Variants in NRF1 observed in about 807,000 individuals in gnomAD.
The protein encoded by NRF1 is nuclear respiratory factor 1.
Under a neutral mutation model 58.5 loss-of-function variants are expected in NRF1, and 5 were observed. That is an observed-to-expected ratio of 0.09 (90% confidence interval 0.04 to 0.18). The LOEUF (loss-of-function observed/expected upper bound fraction) is 0.18, where lower values mean the gene tolerates loss of function less well. Ranked by LOEUF, NRF1 falls within the 10% of genes least tolerant of loss-of-function variation. The probability of loss-of-function intolerance (pLI) is 1.00; values close to 1 mark genes in which losing one functional copy is unlikely to be tolerated. For synonymous variants in NRF1, 224 were observed against 246.7 expected, an observed-to-expected ratio of 0.91 and a Z score of 0.86; for missense variants, 288 against 657.7, an observed-to-expected ratio of 0.44 and a Z score of 6.15.
chr7:129,751,923 C>CAT (rs943036149), intron 10 of NRF1, among the ~76,000 whole-genome samples: 1 of 152,166 alleles, frequency 6.6e-6, no homozygotes, highest in Non-Finnish European at 1.5e-5. Context: ...ACAATCTTCA[C>CAT]ATATATATAC....
chr7:129,689,130 C>G (rs1287225514), intron 4 of NRF1, among the ~76,000 whole-genome samples: 2 of 152,124 alleles, frequency 1.3e-5, no homozygotes, highest in Non-Finnish European at 2.9e-5. Flanking sequence ...AATGAGTCTA[C>G]CAGTTTGTGC....
intron 2 of NRF1, among the ~76,000 whole-genome samples, chr7:129,659,521 C>T (rs531906954): frequency 3.9e-5 from 6 of 152,018 alleles, no homozygotes; most frequent in African/African-American, 1.4e-4. Flanking sequence ...TCTATTTTTG[C>T]TTGTCTGTGA....
intron 2 of NRF1, among the ~76,000 whole-genome samples, chr7:129,662,206 G>C (rs563428568): frequency 1.1e-4 from 17 of 152,196 alleles, no homozygotes; most frequent in African/African-American, 4.1e-4. Flanking sequence ...TGGGGACACA[G>C]CCAAACCATA....
chr7:129,614,029 T>C (rs963112758), intron 1 of NRF1, among the ~76,000 whole-genome samples: 5 of 152,200 alleles, frequency 3.3e-5, no homozygotes, highest in Admixed American at 1.3e-4. Context: ...GAAAATGACT[T>C]TTTGCTTAGT....
rs532626678 is a variant in NRF1, at chr7:129,623,075, G to A, written c.-7+11251G>A. ...TTCATACTCTTTATGGTCTTGCTGA[G>A]GTAAGGGTAACTTGGAGTAAGGGTG... On this transcript the variant is annotated intron_variant, in intron 1 of 10. Transcript: ENST00000393232. Among the ~76,000 whole-genome samples, 4 of 152,294 alleles carry A rather than the reference G, an allele frequency of 2.6e-5. 1 individual carries two copies. The highest frequency in any genetic ancestry group is 2.6e-4 in the Admixed American group (4 of 15,310).
chr7:129,711,048 G>C (rs1190701393), intron 7 of NRF1, among the ~76,000 whole-genome samples: 4 of 151,940 alleles, frequency 2.6e-5, no homozygotes, highest in Admixed American at 2.6e-4. Flanking sequence ...CTCCTAAAAT[G>C]CTGGGATTAC....
chr7:129,618,918 A>G (rs1364156427), intron 1 of NRF1, among the ~76,000 whole-genome samples: 1 of 152,152 alleles, frequency 6.6e-6, no homozygotes, highest in Non-Finnish European at 1.5e-5. Context: ...TTGTGCAGGA[A>G]ACAAAGTTTT....
chr7:129,705,238 G>C (rs1307719084), intron 5 of NRF1, among the ~76,000 whole-genome samples: 3 of 152,030 alleles, frequency 2.0e-5, no homozygotes, highest in African/African-American at 7.2e-5. Flanking sequence ...TTGCAGATGA[G>C]AACATTAATA....
chr7:129,640,400 C>T (rs1181576932), intron 1 of NRF1, among the ~76,000 whole-genome samples: 1 of 151,920 alleles, frequency 6.6e-6, no homozygotes, highest in African/African-American at 2.4e-5. Context: ...CGTCTGTAGT[C>T]CCAGCTACTC....
intron 5 of NRF1, among the ~76,000 whole-genome samples, chr7:129,707,028 C>T (rs1398033571): frequency 6.6e-6 from 1 of 152,160 alleles, no homozygotes; most frequent in Non-Finnish European, 1.5e-5. Flanking sequence ...AGGTCTCACT[C>T]TGTCACCCAG....
At chr7:129,737,469 T>C (rs1168240902) in intron 10 of NRF1, among the ~76,000 whole-genome samples, 2 of 152,194 alleles carry the variant, frequency 1.3e-5, no homozygotes, top group African/African-American at 4.8e-5. Flanking sequence ...GTCACCACCA[T>C]CATCCATTTT....
chr7:129,696,364 T>G (rs933128076), intron 5 of NRF1, among the ~76,000 whole-genome samples: 5 of 152,224 alleles, frequency 3.3e-5, no homozygotes, highest in Non-Finnish European at 7.3e-5. Context: ...TCCCCCCTTA[T>G]TTTCCTCTTA....
intron 1 of NRF1, among the ~76,000 whole-genome samples, chr7:129,613,933 A>ACAAAAACT (rs1023291433): frequency 7.9e-5 from 12 of 152,034 alleles, no homozygotes; most frequent in African/African-American, 2.9e-4. Context: ...AAAAACAAAA[A>ACAAAAACT]CAAAAACTCT....
rs45623035 is a variant in NRF1, at chr7:129,711,422, A to C, written c.964-53A>C. The stretch of plus-strand genomic sequence containing the variant: ...AATGAGTCTCAGCTTCTGAGTAAAG[A>C]GGTGGAAGGATCCATCCACTGACAC... On this transcript the variant is annotated intron_variant, in intron 7 of 10. Coordinates refer to ENST00000393232, the MANE Select transcript of NRF1 (RefSeq NM_005011.5). The C allele has an allele frequency of 2.0e-3, 2,652 of 1,313,192 alleles. 39 individuals are homozygous for C. In the African/African-American group the frequency reaches 0.032, roughly 16 times the overall value. The allele number at this position is 1,313,192 out of a possible 1,614,324, so 81.3% of individuals were successfully genotyped here. A position where few individuals can be genotyped will look rare whatever the true frequency, so the allele number is the denominator to read the frequency against.
intron 8 of NRF1, among the ~76,000 whole-genome samples, chr7:129,713,480 T>C (rs1476063873): frequency 6.6e-6 from 1 of 152,254 alleles, no homozygotes; most frequent in Non-Finnish European, 1.5e-5. Context: ...TAACTCATTT[T>C]AGGTGCATTT....
intron 9 of NRF1, among the ~76,000 whole-genome samples, chr7:129,718,005 A>G (rs79251337): frequency 0.015 from 2,301 of 152,278 alleles, 49 homozygotes; most frequent in African/African-American, 0.052. Context: ...CTCAAGATAA[A>G]TAAGTTTTGG....
At chr7:129,632,234 A>G (rs759320931) in intron 1 of NRF1, among the ~76,000 whole-genome samples, 2 of 152,250 alleles carry the variant, frequency 1.3e-5, no homozygotes, top group Middle Eastern at 3.4e-3. Flanking sequence ...TGATCATGCC[A>G]CTGCACTCCA....
chr7:129,727,725 G>A (rs1714471101), intron 10 of NRF1, among the ~76,000 whole-genome samples: 1 of 152,142 alleles, frequency 6.6e-6, no homozygotes, highest in South Asian at 2.1e-4. Flanking sequence ...CTGTAGCAGA[G>A]ACTCTCTCAT....
chr7:129,660,464 G>T (rs1197051079), intron 2 of NRF1, among the ~76,000 whole-genome samples: 1 of 150,882 alleles, frequency 6.6e-6, no homozygotes, highest in Non-Finnish European at 1.5e-5. Flanking sequence ...AAGCAAGTTA[G>T]TTACTTCCTA....
Sources: gnomAD v4.1 joint callset for allele counts (sites outside exome capture counted in the v4.1 genomes callset) on GRCh38, gnomAD v4.1.1 for gene constraint, MANE v1.5 for transcripts, NCBI Gene and HGNC (gene_info 2026-07-23, HGNC 2026-07-21) for gene names.